DOCK3: variants seen among roughly 807,000 people sequenced by gnomAD.
The protein encoded by DOCK3 is dedicator of cytokinesis protein 3.
In DOCK3, 60 loss-of-function variants were observed where a neutral mutation model predicts 265.6. The observed-to-expected ratio is 0.23, with a 90% CI of 0.18 to 0.28. The LOEUF is 0.28. DOCK3 is among the 10% of genes least tolerant of loss of function. The pLI is 1.00. For missense variants in DOCK3, 1,981 were observed against 2,594.3 expected (o/e 0.76, Z 5.14); for synonymous variants, 881 against 938.0 (o/e 0.94, Z 1.11).
At chr3:51,161,229 G>A (rs2086119925) in intron 12 of DOCK3, among the ~76,000 whole-genome samples, 1 of 152,132 alleles carries the variant, frequency 6.6e-6, no homozygotes, top group Admixed American at 6.6e-5. Context: ...CGGATCACGA[G>A]GTCAGGAGAT....
intron 49 of DOCK3, among the ~76,000 whole-genome samples, chr3:51,367,480 G>C (rs1055198226): frequency 6.6e-6 from 1 of 152,172 alleles, no homozygotes; most frequent in Non-Finnish European, 1.5e-5. Flanking sequence ...GGAGCAGTTA[G>C]CCCATTTACA....
chr3:51,090,682 T>A (rs752932671), intron 9 of DOCK3, among the ~76,000 whole-genome samples: 1 of 151,934 alleles, frequency 6.6e-6, no homozygotes, highest in African/African-American at 2.4e-5. Context: ...AAAAAAGGCA[T>A]AGGAGAAACA....
At position 51,356,206 on chromosome 3, in the gene DOCK3, A is replaced by T. The variant is rs1185570918; in HGVS notation, c.4367A>T (p.Tyr1456Phe). The T allele has an allele frequency of 6.2e-7, 1 of 1,614,026 alleles. No individual in the cohort carries two copies. Among genetic ancestry groups the T allele is most frequent in the Non-Finnish European group, 8.5e-7 (1 of 1,179,902 alleles). ...GTCAACAATGTGAGGAAGTTCCGGT[A>T]TGACAGGCCTTTTCACAAAGGCCCC... is the stretch of plus-strand genomic sequence containing the variant. ...YRVNNVRKFR[Y>F]DRPFHKGPKD... Residue 1456 changes from tyrosine (Y) to phenylalanine (F), a missense_variant, in exon 42 of 53, where the codon TAT becomes TTT. Around this residue, in one of 4 missense-constraint regions of DOCK3, gnomAD observed 1,357 missense variants for 1,866.8 expected, o/e 0.73. Coordinates refer to ENST00000266037, the MANE Select transcript of DOCK3 (RefSeq NM_004947.5).
intron 5 of DOCK3, among the ~76,000 whole-genome samples, chr3:51,058,591 G>A (rs918161516): frequency 1.3e-5 from 2 of 152,088 alleles, no homozygotes; most frequent in South Asian, 2.1e-4. Context: ...TACATAATAC[G>A]TATATGCCAT....
At chr3:50,788,287 G>A (rs932926715) in intron 2 of DOCK3, 2 of 437,506 alleles carry the variant, frequency 4.6e-6, no homozygotes, top group Admixed American at 4.0e-5. Flanking sequence ...GTGCCTCATT[G>A]GTAAATGACT....
intron 3 of DOCK3, chr3:50,877,212 T>A: frequency 3.2e-6 from 1 of 310,642 alleles, no homozygotes; most frequent in Admixed American, 4.2e-5. Flanking sequence ...TCTTTCTCCC[T>A]CTGAGCTCTC....
At chr3:50,851,770 T>C (rs1165004421) in intron 3 of DOCK3, among the ~76,000 whole-genome samples, 1 of 152,210 alleles carries the variant, frequency 6.6e-6, no homozygotes. Context: ...ATTGCTAATG[T>C]GCTTTCCACA....
intron 4 of DOCK3, among the ~76,000 whole-genome samples, chr3:50,924,994 C>G (rs1016469118): frequency 1.3e-5 from 2 of 152,162 alleles, no homozygotes; most frequent in Non-Finnish European, 2.9e-5. Context: ...TTTTCTGATG[C>G]CAAAAGGAGG....
chr3:51,105,100 T>A (rs1040775715), intron 9 of DOCK3, among the ~76,000 whole-genome samples: 1 of 152,124 alleles, frequency 6.6e-6, no homozygotes, highest in Non-Finnish European at 1.5e-5. Context: ...ACTTGGGAAA[T>A]AAGCAGTGGC....
chr3:51,294,786 T>G (rs1190071136), intron 27 of DOCK3, among the ~76,000 whole-genome samples: 126 of 151,876 alleles, frequency 8.3e-4, no homozygotes, highest in African/African-American at 2.9e-3. Flanking sequence ...AGGGGAGACA[T>G]TGGTCAGTGG....
intron 2 of DOCK3, among the ~76,000 whole-genome samples, chr3:50,812,989 A>G (rs1475941450): frequency 1.3e-5 from 2 of 152,210 alleles, no homozygotes; most frequent in Non-Finnish European, 2.9e-5. Context: ...TTTTATGTGT[A>G]TGGGGTTATG....
At chr3:50,725,760 AT>A (rs2037783086) in intron 1 of DOCK3, among the ~76,000 whole-genome samples, 1 of 152,236 alleles carries the variant, frequency 6.6e-6, no homozygotes, top group South Asian at 2.1e-4. Flanking sequence ...GTGGTTGTAC[AT>A]TTTGACCTGT....
intron 9 of DOCK3, among the ~76,000 whole-genome samples, chr3:51,126,189 T>C (rs1309112726): frequency 6.6e-6 from 1 of 152,236 alleles, no homozygotes; most frequent in Non-Finnish European, 1.5e-5. Flanking sequence ...TTCATTCATT[T>C]ATTTATCTGA....
At chr3:51,066,134 A>G (rs1320532124) in intron 6 of DOCK3, among the ~76,000 whole-genome samples, 2 of 152,190 alleles carry the variant, frequency 1.3e-5, no homozygotes, top group African/African-American at 4.8e-5. Flanking sequence ...TATATAGGCA[A>G]TACATGAGGA....
chr3:50,876,353 A>T (rs2047700847), intron 3 of DOCK3, among the ~76,000 whole-genome samples: 1 of 152,128 alleles, frequency 6.6e-6, no homozygotes. Context: ...ATACAAAATG[A>T]TTATTAAAGA....
chr3:51,021,905 C>G (rs2079611660), intron 5 of DOCK3, among the ~76,000 whole-genome samples: 1 of 152,122 alleles, frequency 6.6e-6, no homozygotes, highest in Admixed American at 6.5e-5. Context: ...TTGTGATCTG[C>G]CTGCCTCGGC....
At chr3:50,807,049 G>T (rs1249782759) in intron 2 of DOCK3, among the ~76,000 whole-genome samples, 1 of 152,160 alleles carries the variant, frequency 6.6e-6, no homozygotes, top group Non-Finnish European at 1.5e-5. Flanking sequence ...GCGAGACGGT[G>T]CTGCAGAGGT....
intron 13 of DOCK3, among the ~76,000 whole-genome samples, chr3:51,209,814 T>C (rs2089409721): frequency 6.6e-6 from 1 of 152,226 alleles, no homozygotes; most frequent in South Asian, 2.1e-4. Flanking sequence ...CTGCCAAGAT[T>C]GAGACCTTCA....
chr3:50,842,226 A>G (rs1408965240), intron 3 of DOCK3, among the ~76,000 whole-genome samples: 1 of 152,194 alleles, frequency 6.6e-6, no homozygotes, highest in Non-Finnish European at 1.5e-5. Flanking sequence ...AGCAGTTATA[A>G]TACAGTTAGA....
Sources: gnomAD v4.1 joint callset for allele counts (sites outside exome capture counted in the v4.1 genomes callset) on GRCh38, gnomAD v4.1.1 for gene constraint, gnomAD v4.1.1 regional missense constraint, MANE v1.5 for transcripts, NCBI Gene and HGNC (gene_info 2026-07-23, HGNC 2026-07-21) for gene names.